PRR5L: variants seen among roughly 807,000 people sequenced by gnomAD.
The protein encoded by PRR5L is proline-rich protein 5-like.
PRR5L carries 21 observed loss-of-function variants against 36.4 expected under a neutral mutation model. The ratio of observed to expected loss-of-function variants is 0.58; its 90% CI spans 0.41 to 0.83. The LOEUF (loss-of-function observed/expected upper bound fraction) is 0.83. Ranked by LOEUF, PRR5L falls within the 40% of genes least tolerant of loss-of-function variation. The pLI is 0.00. For synonymous variants in PRR5L, 188 were observed against 197.0 expected, an observed-to-expected ratio of 0.95 and a Z score of 0.38; for missense variants, 381 against 473.3, an observed-to-expected ratio of 0.80 and a Z score of 1.81.
intron 1 of PRR5L, among the ~76,000 whole-genome samples, chr11:36,384,537 T>C (rs1395946701): frequency 1.3e-5 from 2 of 152,204 alleles, no homozygotes; most frequent in African/African-American, 4.8e-5. Context: ...CATGAAATGA[T>C]CATATGTGGA....
chr11:36,310,976 C>G lies in PRR5L; in HGVS notation c.-126+14538C>G, dbSNP rs1019805079. 4.2e-5 allele frequency among the ~76,000 whole-genome samples: 5 copies of G among 118,892 alleles called. No homozygotes were observed. The South Asian group carries it at 1.1e-3, about 25-fold the overall frequency. 78.0% of individuals were successfully genotyped at this position (118,892 alleles called of 152,430 possible). On this transcript the variant is annotated intron_variant, in intron 1 of 8. Transcript: ENST00000530639. ...TATGCCACTGCACTCTGCCTGGTGA[C>G]AGAGTGAGACTCCGTCTCCAAAAAA...
intron 1 of PRR5L, among the ~76,000 whole-genome samples, chr11:36,334,976 T>A (rs1856754519): frequency 6.6e-6 from 1 of 152,212 alleles, no homozygotes; most frequent in African/African-American, 2.4e-5. Flanking sequence ...CACCCACTAA[T>A]TATCTTTGTT....
At chr11:36,382,188 G>A (rs1857381602) in intron 1 of PRR5L, among the ~76,000 whole-genome samples, 2 of 152,170 alleles carry the variant, frequency 1.3e-5, no homozygotes, top group Non-Finnish European at 2.9e-5. Context: ...ACCAAGGTTG[G>A]TATCAACTTT....
chr11:36,439,914 T>C (rs953445319), intron 6 of PRR5L, among the ~76,000 whole-genome samples: 1 of 152,050 alleles, frequency 6.6e-6, no homozygotes, highest in African/African-American at 2.4e-5. Flanking sequence ...ACAGGCTTGG[T>C]TTTGTTATGC....
chr11:36,446,517 G>T, intron 7 of PRR5L, 77 bp downstream of exon 7: 1 of 1,568,340 alleles, frequency 6.4e-7, no homozygotes. Context: ...AGATGAGGGG[G>T]AAGGAACCTA....
At chr11:36,451,378 A>G (rs1324833205) in intron 8 of PRR5L, 43 bp downstream of exon 8, 1 of 1,610,518 alleles carries the variant, frequency 6.2e-7, no homozygotes, top group Admixed American at 1.7e-5. Context: ...CCCAGTGATC[A>G]TGATACCAGC....
chr11:36,316,108 C>CT (rs1278269939), intron 1 of PRR5L, among the ~76,000 whole-genome samples: 1 of 152,162 alleles, frequency 6.6e-6, no homozygotes, highest in Non-Finnish European at 1.5e-5. Flanking sequence ...AATCAGCAAA[C>CT]TTTTTTATGA....
At chr11:36,371,467 G>A (rs954867965) in intron 1 of PRR5L, among the ~76,000 whole-genome samples, 10 of 152,200 alleles carry the variant, frequency 6.6e-5, no homozygotes, top group African/African-American at 2.4e-4. Context: ...TATTACCTGA[G>A]CTCTGAGGAC....
intron 1 of PRR5L, among the ~76,000 whole-genome samples, chr11:36,397,416 G>T (rs1857685535): frequency 6.9e-6 from 1 of 144,226 alleles, no homozygotes; most frequent in African/African-American, 2.6e-5. Flanking sequence ...ACAATGCTTG[G>T]CTTCATGTCA....
chr11:36,460,633 T>G (rs1030725068), intron 8 of PRR5L, among the ~76,000 whole-genome samples: 1 of 152,252 alleles, frequency 6.6e-6, no homozygotes, highest in Non-Finnish European at 1.5e-5. Flanking sequence ...TTATGGAATA[T>G]AATACCTGAG....
chr11:36,359,304 G>T (rs192706200), intron 1 of PRR5L, among the ~76,000 whole-genome samples: 1 of 152,296 alleles, frequency 6.6e-6, no homozygotes, highest in South Asian at 2.1e-4. Flanking sequence ...TTTTGTCTTA[G>T]CGTGGGAGAG....
chr11:36,323,503 G>A (rs547913427), intron 1 of PRR5L: 6 of 152,310 alleles, frequency 3.9e-5, no homozygotes, highest in African/African-American at 1.4e-4. Context: ...TGCAACCAGA[G>A]TTGAGCCGAT....
intron 1 of PRR5L, among the ~76,000 whole-genome samples, chr11:36,400,132 A>G (rs536878560): frequency 9.2e-5 from 14 of 152,348 alleles, no homozygotes; most frequent in African/African-American, 3.4e-4. Flanking sequence ...AAATAAGCAG[A>G]GGGAAAAAGG....
intron 1 of PRR5L, among the ~76,000 whole-genome samples, chr11:36,336,529 CTTTTTTTTT>C (rs36024089): frequency 9.6e-6 from 1 of 104,254 alleles, no homozygotes; most frequent in South Asian, 3.7e-4. Flanking sequence ...CGCGCCTGGC[CTTTTTTTTT>C]TTTTTTTTTT....
chr11:36,351,139 TA>T lies in PRR5L; in HGVS notation c.-125-49857del, dbSNP rs375376134. Among the ~76,000 whole-genome samples the T allele has an allele frequency of 9.7e-3, 612 of 63,176 alleles. 1 individual carries two copies. The highest frequency in any genetic ancestry group is 0.02 in the Middle Eastern group (2 of 102). 41.4% of individuals were successfully genotyped at this position (63,176 alleles called of 152,430 possible). A position where few individuals can be genotyped will look rare whatever the true frequency, so the allele number is the denominator to read the frequency against. On this transcript the variant is annotated intron_variant, in intron 1 of 8. Transcript: ENST00000530639. ...TAAATATATGTATTTTATATATAAA[TA>T]TATATTTATAAATATATATAATTTA...
At chr11:36,312,957 G>T (rs1035736557) in intron 1 of PRR5L, among the ~76,000 whole-genome samples, 2 of 152,224 alleles carry the variant, frequency 1.3e-5, no homozygotes, top group African/African-American at 4.8e-5. Flanking sequence ...CAGCTTCCAA[G>T]GGCTGAGTGT....
Position 36,460,325 on chromosome 11 carries a change from C to T in PRR5L, c.713-2017C>T, listed in dbSNP as rs145568322. The stretch of plus-strand genomic sequence containing the variant: ...GGTTGCCCCTTCAGCATCTCAGACG[C>T]GATGTGGCCAGGACCCGGCGCTGGG... On this transcript the variant is annotated intron_variant, in intron 8 of 8. Transcript: ENST00000530639. Among the ~76,000 whole-genome samples the T allele has an allele frequency of 5.8e-3, 879 of 152,256 alleles. 6 individuals carry two copies. Among genetic ancestry groups the T allele is most frequent in the African/African-American group, 0.02 (838 of 41,554 alleles).
intron 1 of PRR5L, among the ~76,000 whole-genome samples, chr11:36,365,175 T>G (rs1166196286): frequency 6.6e-6 from 1 of 152,214 alleles, no homozygotes; most frequent in African/African-American, 2.4e-5. Context: ...GGTAGCTGGT[T>G]CTTATGATAA....
chr11:36,360,895 C>T (rs1271179072), intron 1 of PRR5L, among the ~76,000 whole-genome samples: 3 of 152,002 alleles, frequency 2.0e-5, no homozygotes, highest in Non-Finnish European at 4.4e-5. Flanking sequence ...TATAACTCTA[C>T]AGCAGCAGTT....
Sources: gnomAD v4.1 joint callset for allele counts (sites outside exome capture counted in the v4.1 genomes callset) on GRCh38, gnomAD v4.1.1 for gene constraint, MANE v1.5 for transcripts, NCBI Gene and HGNC (gene_info 2026-07-23, HGNC 2026-07-21) for gene names.